The following KSR2 variants were observed in gnomAD, a reference collection of about 807,000 sequenced individuals.
KSR2 encodes the protein kinase suppressor of ras 2.
A neutral mutation model predicts 107.8 loss-of-function variants in KSR2; 25 were observed. The observed-to-expected ratio is 0.23, with a 90% confidence interval of 0.17 to 0.32. The LOEUF (loss-of-function observed/expected upper bound fraction) is 0.32, where lower values mean the gene tolerates loss of function less well. Among genes scored for constraint, KSR2 ranks in the 10% least tolerant of loss-of-function variants. KSR2 has a pLI of 1.00. For missense variants in KSR2, 887 were observed against 1,268.9 expected (o/e 0.70, Z 4.57); for synonymous variants, 480 against 507.0 (o/e 0.95, Z 0.71).
chr12:117,662,667 G>A (rs1389679780), intron 5 of KSR2, among the ~76,000 whole-genome samples: 1 of 152,104 alleles, frequency 6.6e-6, no homozygotes, highest in Non-Finnish European at 1.5e-5. Flanking sequence ...GTGTCATTAC[G>A]ACCAAGATGG....
Position 117,497,089 on chromosome 12 carries a change from G to C in KSR2, c.2220-11398C>G, listed in dbSNP as rs143064545. Among the ~76,000 whole-genome samples the C allele has an allele frequency of 9.5e-3, 1,449 of 151,848 alleles. 24 individuals carry two copies. The highest frequency in any genetic ancestry group is 0.029 in the South Asian group (138 of 4,778). ...GACAGGGTATCACCATGTTGTCCAG[G>C]CTGGTCTCAAACTCCTGACCTCAGG... On this transcript the variant is annotated intron_variant, in intron 14 of 19. Transcript: ENST00000339824.
rs1459701135 is a variant in KSR2, at chr12:117,968,065, G to A, written c.180+11C>T. 2.3e-6 allele frequency: 2 copies of A among 881,894 alleles called. No individual in the cohort carries two copies. The highest frequency in any genetic ancestry group is 2.9e-5 in the East Asian group (1 of 34,072). 54.6% of individuals were successfully genotyped at this position (881,894 alleles called of 1,614,324 possible). On this transcript the variant is annotated intron_variant, in intron 1 of 19. Transcript: ENST00000339824. The stretch of plus-strand genomic sequence containing the variant: ...TTTTTTTTTTTTTTTTTTCCCGTAG[G>A]CAACACCTACCTCCAGGGTCCGGAT...
chr12:117,896,498 T>C (rs1289558251), intron 1 of KSR2, among the ~76,000 whole-genome samples: 2 of 151,568 alleles, frequency 1.3e-5, no homozygotes, highest in African/African-American at 2.4e-5. Flanking sequence ...TTGCTATTGT[T>C]GCCCAGGCTA....
rs981465623 is a variant in KSR2 at position 117,731,936 on chromosome 12, C to A, written c.986+29075G>T. On this transcript the variant is annotated intron_variant, in intron 4 of 19. Coordinates refer to ENST00000339824, the MANE Select transcript of KSR2 (RefSeq NM_173598.6). ...GTCCTGTGCCTAGGAAAACTAGAGA[C>A]CCTTGTTCACATGTTTATCTGCTGA... Among the ~76,000 whole-genome samples the A allele has an allele frequency of 2.1e-5, 3 of 144,390 alleles. 1 individual carries two copies. The highest frequency in any genetic ancestry group is 4.6e-5 in the Non-Finnish European group (3 of 64,624). 94.7% of individuals were successfully genotyped at this position (144,390 alleles called of 152,430 possible). A position where few individuals can be genotyped will look rare whatever the true frequency, so the allele number is the denominator to read the frequency against.
At position 117,593,100 on chromosome 12, in the gene KSR2, C is replaced by G. The variant is rs906603291; in HGVS notation, c.1172-10741G>C. 7.2e-5 allele frequency among the ~76,000 whole-genome samples: 11 copies of G among 152,242 alleles called. No individual in the cohort carries two copies. The East Asian group carries it at 2.1e-3, about 29-fold the overall frequency. On this transcript the variant is annotated intron_variant, in intron 5 of 19. Coordinates refer to ENST00000339824, the MANE Select transcript of KSR2 (RefSeq NM_173598.6). ...GCATGTGCAAAGGCAGCTTGGAGAC[C>G]TGGAGAAGCATGGGGCCTGGCTAGC...
At position 117,598,829 on chromosome 12, in the gene KSR2, G is replaced by GA. The variant is rs879467129; in HGVS notation, c.1172-16471dup. Reference sequence around the variant, plus strand: ...CTTTCTTTTCAGGAATTTCCCACAGGAAAAAAAAAAAAGTCTGTTTATCCT... The same window carrying GA: ...CTTTCTTTTCAGGAATTTCCCACAGGAAAAAAAAAAAAAGTCTGTTTATCCT... On this transcript the variant is annotated intron_variant, in intron 5 of 19. Coordinates refer to ENST00000339824, the MANE Select transcript of KSR2 (RefSeq NM_173598.6). Among the ~76,000 whole-genome samples the GA allele has an allele frequency of 8.9e-3, 1,280 of 143,054 alleles. 17 individuals carry two copies. The highest frequency in any genetic ancestry group is 0.028 in the African/African-American group (1,108 of 39,252). The allele number at this position is 143,054 out of a possible 152,430, so 93.8% of individuals were successfully genotyped here.
chr12:117,708,109 C>T (rs1362567061), intron 4 of KSR2, among the ~76,000 whole-genome samples: 1 of 152,162 alleles, frequency 6.6e-6, no homozygotes, highest in Non-Finnish European at 1.5e-5. Flanking sequence ...TCAAAATTAA[C>T]ATAGTGACAA....
intron 1 of KSR2, among the ~76,000 whole-genome samples, chr12:117,954,328 G>A (rs903388959): frequency 3.3e-5 from 5 of 152,182 alleles, no homozygotes; most frequent in African/African-American, 1.2e-4. Flanking sequence ...GACAAGTCTA[G>A]AAGTTGCAAG....
rs144199211 is a variant in KSR2 at position 117,684,957 on chromosome 12, A to G, written c.987-17299T>C. ...AGGTACCTGTGCAAACAGGTTGTCA[A>G]TTTCAGGGTTAGCCAAGGAGAATCA... is the stretch of plus-strand genomic sequence containing the variant. On this transcript the variant is annotated intron_variant, in intron 4 of 19. Coordinates refer to ENST00000339824, the MANE Select transcript of KSR2 (RefSeq NM_173598.6). Among the ~76,000 whole-genome samples, 61 of 152,264 alleles carry G rather than the reference A, an allele frequency of 4.0e-4. No individual in the cohort carries two copies. The East Asian group carries it at 0.011, about 28-fold the overall frequency.
intron 16 of KSR2, among the ~76,000 whole-genome samples, chr12:117,478,188 G>T (rs1237047045): frequency 6.6e-6 from 1 of 152,214 alleles, no homozygotes; most frequent in African/African-American, 2.4e-5. Context: ...GATTCTTCCA[G>T]AGAGGGTTTC....
chr12:117,899,166 A>G (rs1231507734), intron 1 of KSR2, among the ~76,000 whole-genome samples: 1 of 152,154 alleles, frequency 6.6e-6, no homozygotes, highest in Non-Finnish European at 1.5e-5. Flanking sequence ...TTTGGGATAC[A>G]ACCGTGAAAT....
intron 5 of KSR2, among the ~76,000 whole-genome samples, chr12:117,648,710 G>C (rs1021731550): frequency 1.3e-5 from 2 of 152,194 alleles, no homozygotes; most frequent in Non-Finnish European, 2.9e-5. Context: ...TGAGGTAGGT[G>C]CTTGTGTTTA....
chr12:117,763,560 G>C (rs927946442), intron 3 of KSR2, among the ~76,000 whole-genome samples: 2 of 152,200 alleles, frequency 1.3e-5, no homozygotes, highest in Non-Finnish European at 2.9e-5. Flanking sequence ...TCTCTTTCCC[G>C]GGTGCCTGCA....
intron 14 of KSR2, among the ~76,000 whole-genome samples, chr12:117,494,245 C>A (rs1240246445): frequency 2.0e-5 from 3 of 152,166 alleles, no homozygotes; most frequent in Non-Finnish European, 4.4e-5. Flanking sequence ...TCCTTTGCCA[C>A]AGTCCTCACC....
At chr12:117,908,872 C>T (rs1386027534) in intron 1 of KSR2, among the ~76,000 whole-genome samples, 1 of 152,098 alleles carries the variant, frequency 6.6e-6, no homozygotes, top group Non-Finnish European at 1.5e-5. Context: ...GTGAAATGTC[C>T]TACTCAATTG....
At chr12:117,924,147 G>A (rs1209290337) in intron 1 of KSR2, among the ~76,000 whole-genome samples, 1 of 151,632 alleles carries the variant, frequency 6.6e-6, no homozygotes, top group Non-Finnish European at 1.5e-5. Context: ...CCAAGTGCTA[G>A]GATTACAGGC....
intron 1 of KSR2, among the ~76,000 whole-genome samples, chr12:117,941,104 TAAG>T (rs1033476468): frequency 8.6e-5 from 13 of 151,944 alleles, no homozygotes; most frequent in African/African-American, 1.5e-4. Flanking sequence ...ATAATAATAA[TAAG>T]ATTTTTATTT....
intron 4 of KSR2, among the ~76,000 whole-genome samples, chr12:117,741,908 A>G (rs1011614330): frequency 6.6e-6 from 1 of 152,212 alleles, no homozygotes; most frequent in Non-Finnish European, 1.5e-5. Context: ...ATATTTATGT[A>G]GTTTAAAAAT....
chr12:117,488,882 G>A (rs964998569), intron 14 of KSR2, among the ~76,000 whole-genome samples: 6 of 151,984 alleles, frequency 3.9e-5, no homozygotes, highest in African/African-American at 1.2e-4. Context: ...CTGCAGTACC[G>A]TGTCACGGTA....
Sources: allele counts gnomAD v4.1 joint callset (sites outside exome capture counted in the v4.1 genomes callset), GRCh38; gene constraint gnomAD v4.1.1; transcripts MANE v1.5; gene names NCBI Gene and HGNC (gene_info 2026-07-23, HGNC 2026-07-21).